RBM20: variants seen among roughly 807,000 people sequenced by gnomAD.
RBM20 encodes RNA binding motif protein 20, also known as RNA-binding protein 20.
Under a neutral mutation model 110.1 loss-of-function variants are expected in RBM20, and 51 were observed. The observed-to-expected ratio is 0.46, with a 90% CI of 0.37 to 0.59. The LOEUF (loss-of-function observed/expected upper bound fraction) is 0.59. RBM20 is among the 20% of genes least tolerant of loss of function. The probability of loss-of-function intolerance (pLI) is 0.00; values close to 1 mark genes in which losing one functional copy is unlikely to be tolerated. For missense variants in RBM20, 1,512 were observed against 1,574.9 expected (o/e 0.96, Z 0.68); for synonymous variants, 589 against 618.2 (o/e 0.95, Z 0.70).
In RBM20 at chr10:110,682,056, A is replaced by T. The variant is rs906283986; in HGVS notation, c.191+37411A>T. ...AGTTGCCCATCACCATGCCCGGCTA[A>T]TTTTTTTGTATTTTTAGTAGGGATG... On this transcript the variant is annotated intron_variant, in intron 1 of 13. Transcript: ENST00000369519. 2.0e-5 allele frequency among the ~76,000 whole-genome samples: 3 copies of T among 151,986 alleles called. 1 individual carries two copies. Among genetic ancestry groups the T allele is most frequent in the African/African-American group, 4.8e-5 (2 of 41,476 alleles).
intron 1 of RBM20, among the ~76,000 whole-genome samples, chr10:110,742,824 C>T (rs966897554): frequency 2.6e-5 from 4 of 152,208 alleles, no homozygotes; most frequent in African/African-American, 4.8e-5. Flanking sequence ...AGCAGAGGCT[C>T]GGGTTCTTGA....
intron 2 of RBM20, among the ~76,000 whole-genome samples, chr10:110,782,352 G>A (rs189417101): frequency 4.6e-5 from 7 of 152,106 alleles, no homozygotes; most frequent in East Asian, 1.9e-4. Flanking sequence ...ATTATAGAGA[G>A]CCTCAGCTTC....
intron 6 of RBM20, among the ~76,000 whole-genome samples, chr10:110,798,061 T>G (rs1844574940): frequency 6.6e-6 from 1 of 152,220 alleles, no homozygotes; most frequent in Admixed American, 6.5e-5. Context: ...AACTTGGGAC[T>G]AGGTATTTTT....
At chr10:110,791,913 C>T (rs1844488502) in intron 5 of RBM20, among the ~76,000 whole-genome samples, 1 of 152,168 alleles carries the variant, frequency 6.6e-6, no homozygotes, top group Non-Finnish European at 1.5e-5. Flanking sequence ...TTACGTGTGG[C>T]TCCTTGGCAC....
At chr10:110,699,260 C>CT (rs5787867) in intron 1 of RBM20, among the ~76,000 whole-genome samples, 48,835 of 123,322 alleles carry the variant, frequency 0.4, 10,562 homozygotes, top group Non-Finnish European at 0.45. Flanking sequence ...AAAGTGCATT[C>CT]TTTTTTTTTT....
rs74815903 is a variant in RBM20, at chr10:110,672,704, C to T, written c.191+28059C>T. 7.0e-4 allele frequency among the ~76,000 whole-genome samples: 107 copies of T among 152,328 alleles called. 1 individual carries two copies. The East Asian group carries it at 0.02, about 28-fold the overall frequency. ...CTTTTCTCCTGGAGTGGGAAGGCAA[C>T]TTTCTTTTGGAGTGCCAGTGCCCCC... is the stretch of plus-strand genomic sequence containing the variant. On this transcript the variant is annotated intron_variant, in intron 1 of 13. Coordinates refer to ENST00000369519, the MANE Select transcript of RBM20 (RefSeq NM_001134363.3).
intron 1 of RBM20, among the ~76,000 whole-genome samples, chr10:110,767,525 T>C (rs896907939): frequency 6.9e-6 from 1 of 145,878 alleles, no homozygotes; most frequent in African/African-American, 2.6e-5. Flanking sequence ...GCTCCTCACT[T>C]CTCAGACGGG....
At chr10:110,766,723 C>T (rs867572541) in intron 1 of RBM20, among the ~76,000 whole-genome samples, 3 of 151,480 alleles carry the variant, frequency 2.0e-5, no homozygotes, top group Non-Finnish European at 4.4e-5. Flanking sequence ...CCATGTCTAC[C>T]TCTTTCTACA....
rs188101363 is a variant in RBM20, at chr10:110,764,831, G to A, written c.192-15970G>A. On this transcript the variant is annotated intron_variant, in intron 1 of 13. Transcript: ENST00000369519. ...CCCTGGTATGTTTCAGAAAGGTAAG[G>A]TTGCATGACATCATCCTACCTTTCC... Among the ~76,000 whole-genome samples, 168 of 152,326 alleles carry A rather than the reference G, an allele frequency of 1.1e-3. 1 individual carries two copies. Among genetic ancestry groups the A allele is most frequent in the Admixed American group, 0.011 (168 of 15,304 alleles).
At chr10:110,800,367 C>T (rs903919436) in intron 7 of RBM20, among the ~76,000 whole-genome samples, 1 of 152,230 alleles carries the variant, frequency 6.6e-6, no homozygotes, top group African/African-American at 2.4e-5. Flanking sequence ...TTCTAAGCAG[C>T]CCTTGGCTGA....
intron 1 of RBM20, among the ~76,000 whole-genome samples, chr10:110,663,996 G>T (rs1862142959): frequency 6.6e-6 from 1 of 152,054 alleles, no homozygotes; most frequent in Non-Finnish European, 1.5e-5. Flanking sequence ...TTACCATCAA[G>T]ATATTAAATG....
rs1355193222 is a variant in RBM20 at position 110,799,773 on chromosome 10, C to T, written c.1669-14C>T. The T allele has an allele frequency of 5.8e-6, 9 of 1,548,360 alleles. No homozygotes were observed. Among genetic ancestry groups the T allele is most frequent in the African/African-American group, 4.1e-5 (3 of 72,942 alleles). On this transcript the variant is annotated splice_polypyrimidine_tract_variant and intron_variant, in intron 6 of 13. Transcript: ENST00000369519. ...AAAGTCAAGTCCAGTGAGTGTCCTT[C>T]CTTTCTTTCTTAGGCCTTTTTAGAG...
At chr10:110,735,345 AT>A (rs201721358) in intron 1 of RBM20, among the ~76,000 whole-genome samples, 1 of 151,948 alleles carries the variant, frequency 6.6e-6, no homozygotes, top group South Asian at 2.1e-4. Flanking sequence ...ATCTGCATGT[AT>A]TTTTTTTATG....
At chr10:110,799,005 A>C (rs1395986110) in intron 6 of RBM20, among the ~76,000 whole-genome samples, 1 of 152,246 alleles carries the variant, frequency 6.6e-6, no homozygotes, top group Non-Finnish European at 1.5e-5. Context: ...GTGTTTTATC[A>C]GAGCAGTTAA....
chr10:110,662,687 A>T (rs79097449), intron 1 of RBM20, among the ~76,000 whole-genome samples: 3,960 of 152,266 alleles, frequency 0.026, 188 homozygotes, highest in African/African-American at 0.091. Flanking sequence ...ACACACAAAA[A>T]TTTTTTAAAA....
chr10:110,810,524 CT>C, intron 8 of RBM20, 62 bp downstream of exon 8: 1 of 1,227,682 alleles, frequency 8.1e-7, no homozygotes, highest in Non-Finnish European at 1.2e-6. Context: ...ACTCCTGTTT[CT>C]CATTCTTAGG....
intron 1 of RBM20, among the ~76,000 whole-genome samples, chr10:110,695,095 A>G (rs918238236): frequency 6.6e-6 from 1 of 152,164 alleles, no homozygotes; most frequent in Non-Finnish European, 1.5e-5. Context: ...GATTTTTGTT[A>G]CGATATCGTC....
intron 1 of RBM20, among the ~76,000 whole-genome samples, chr10:110,654,557 A>G (rs1226528083): frequency 1.3e-5 from 2 of 152,232 alleles, no homozygotes; most frequent in Non-Finnish European, 2.9e-5. Flanking sequence ...AAATCACTGT[A>G]TGAAGCAGGC....
intron 1 of RBM20, among the ~76,000 whole-genome samples, chr10:110,671,333 G>A (rs373452869): frequency 1.7e-4 from 26 of 152,144 alleles, no homozygotes; most frequent in African/African-American, 4.1e-4. Context: ...ATTTCTAAGC[G>A]TATGAATATT....
Sources: allele counts gnomAD v4.1 joint callset (sites outside exome capture counted in the v4.1 genomes callset), GRCh38; gene constraint gnomAD v4.1.1; transcripts MANE v1.5; gene names NCBI Gene and HGNC (gene_info 2026-07-23, HGNC 2026-07-21).